C1QTNF7: variants seen among roughly 807,000 people sequenced by gnomAD.
C1QTNF7 encodes complement C1q tumor necrosis factor-related protein 7.
Under a neutral mutation model 19.6 loss-of-function variants are expected in C1QTNF7, and 15 were observed. The observed-to-expected ratio is 0.76, with a 90% CI of 0.51 to 1.18. The LOEUF (loss-of-function observed/expected upper bound fraction) is 1.18, where lower values mean the gene tolerates loss of function less well. Among genes scored for constraint, C1QTNF7 ranks in the 50% most tolerant of loss-of-function variants. The pLI is 0.00. For missense variants in C1QTNF7, 324 were observed against 359.7 expected, an observed-to-expected ratio of 0.90 and a Z score of 0.80; for synonymous variants, 142 against 137.5, an observed-to-expected ratio of 1.03 and a Z score of -0.23.
intron 1 of C1QTNF7, among the ~76,000 whole-genome samples, chr4:15,377,871 A>G (rs139532472): frequency 5.9e-5 from 9 of 152,336 alleles, no homozygotes; most frequent in African/African-American, 2.2e-4. Context: ...AGCATAATAG[A>G]TACCTAAGAA....
At chr4:15,366,718 T>C (rs1256681450) in intron 1 of C1QTNF7, among the ~76,000 whole-genome samples, 1 of 152,178 alleles carries the variant, frequency 6.6e-6, no homozygotes, top group Non-Finnish European at 1.5e-5. Context: ...AGATGTTGTC[T>C]GCAGTCTCCA....
rs117612466 is a variant in C1QTNF7 at position 15,393,522 on chromosome 4, G to A, written c.14-42214G>A. Among the ~76,000 whole-genome samples the A allele has an allele frequency of 2.2e-3, 340 of 152,182 alleles. 9 individuals are homozygous for A. The East Asian group carries it at 0.057, about 26-fold the overall frequency. On this transcript the variant is annotated intron_variant, in intron 1 of 2. Transcript: ENST00000295297. ...GGATCACATTAAAACGCAGACTCTC[G>A]AGCCCAACACCCAAAGATCTTTATT...
In C1QTNF7 at chr4:15,442,290, C is replaced by T; in HGVS notation, c.361C>T (p.Pro121Ser). 2 of 1,614,052 alleles carry T rather than the reference C, an allele frequency of 1.2e-6. No homozygotes were observed. Among genetic ancestry groups the T allele is most frequent in the Non-Finnish European group, 1.7e-6 (2 of 1,180,032 alleles). The change falls in exon 3 of 3, where the codon CCT (proline) becomes TCT (serine). Residue 121 changes from proline (P) to serine (S), a missense_variant. Transcript: ENST00000444304. The stretch of plus-strand genomic sequence containing the variant: ...AGGAGAAGTAGGTCCAATTGGTCCT[C>T]CTGGACCAAAGGGAGACAGAGGAGA... Reference protein sequence around the residue: ...EKGEVGPIGPPGPKGDRGEQG... With the variant: ...EKGEVGPIGPSGPKGDRGEQG...
At chr4:15,363,973 C>A (rs571357646) in intron 1 of C1QTNF7, among the ~76,000 whole-genome samples, 32 of 152,274 alleles carry the variant, frequency 2.1e-4, no homozygotes. Context: ...GTTTTCTTCC[C>A]TTTCTCTCCT....
chr4:15,427,897 G>A (rs1712125014), upstream of C1QTNF7: 8 of 324,936 alleles, frequency 2.5e-5, no homozygotes, highest in Non-Finnish European at 3.5e-5. Context: ...TCCCCGAGTT[G>A]AGCCTCACTC....
At chr4:15,415,781 G>A (rs1345761337) in intron 1 of C1QTNF7, among the ~76,000 whole-genome samples, 5 of 152,052 alleles carry the variant, frequency 3.3e-5, no homozygotes, top group Non-Finnish European at 5.9e-5. Flanking sequence ...TGGAATAAAT[G>A]TTACAAACCA....
chr4:15,414,136 A>G lies in C1QTNF7; in HGVS notation c.14-21600A>G, dbSNP rs188537420. Among the ~76,000 whole-genome samples the G allele has an allele frequency of 3.2e-3, 485 of 152,324 alleles. 1 individual carries two copies. The highest frequency in any genetic ancestry group is 6.5e-3 in the Admixed American group (99 of 15,298). On this transcript the variant is annotated intron_variant, in intron 1 of 2. Transcript: ENST00000295297. ...GTATGCTTCTTCAGGGCAGATAAAT[A>G]GTTTAATCATCCTTGAAGCTCAAAC...
At chr4:15,385,223 A>C (rs1488269192) in intron 1 of C1QTNF7, among the ~76,000 whole-genome samples, 1 of 152,242 alleles carries the variant, frequency 6.6e-6, no homozygotes, top group African/African-American at 2.4e-5. Context: ...TGATCAAAAC[A>C]GACAAAGTCC....
At chr4:15,409,639 G>C (rs1264172024) in intron 1 of C1QTNF7, among the ~76,000 whole-genome samples, 1 of 152,082 alleles carries the variant, frequency 6.6e-6, no homozygotes, top group Non-Finnish European at 1.5e-5. Flanking sequence ...GGAGGGTCTC[G>C]GGCAGTCTAG....
intron 1 of C1QTNF7, among the ~76,000 whole-genome samples, chr4:15,381,166 C>A (rs1325889595): frequency 3.9e-5 from 6 of 152,010 alleles, no homozygotes; most frequent in Non-Finnish European, 8.8e-5. Flanking sequence ...ACCTGTAATG[C>A]CAGCACTTTG....
At chr4:15,387,167 GTTAT>G (rs1718370092) in intron 1 of C1QTNF7, among the ~76,000 whole-genome samples, 14 of 152,328 alleles carry the variant, frequency 9.2e-5, no homozygotes, top group South Asian at 4.1e-4. Context: ...GGGACTCCAA[GTTAT>G]TTGGCCTGAG....
chr4:15,433,300 G>A (rs1220478145), intron 1 of C1QTNF7, among the ~76,000 whole-genome samples: 1 of 151,946 alleles, frequency 6.6e-6, no homozygotes, highest in African/African-American at 2.4e-5. Flanking sequence ...TTACAGACGT[G>A]AGCCACCACA....
At chr4:15,440,574 A>AT (rs1469144691) in intron 2 of C1QTNF7, among the ~76,000 whole-genome samples, 3 of 151,854 alleles carry the variant, frequency 2.0e-5, no homozygotes, top group African/African-American at 7.3e-5. Context: ...CGTCCGGCTA[A>AT]TTTTTGTATT....
intron 1 of C1QTNF7, among the ~76,000 whole-genome samples, chr4:15,393,005 T>C (rs984439637): frequency 6.6e-6 from 1 of 152,138 alleles, no homozygotes; most frequent in African/African-American, 2.4e-5. Context: ...GAATTGTAGC[T>C]CCCAAAATTT....
In C1QTNF7 at chr4:15,372,931, AG is replaced by A. The variant is rs201210565; in HGVS notation, c.13+32729del. Among the ~76,000 whole-genome samples, 265 of 88,534 alleles carry A rather than the reference AG, an allele frequency of 3.0e-3. 1 individual carries two copies. Among genetic ancestry groups the A allele is most frequent in the African/African-American group, 0.015 (206 of 14,126 alleles). 58.1% of individuals were successfully genotyped at this position (88,534 alleles called of 152,430 possible). A position where few individuals can be genotyped will look rare whatever the true frequency, so the allele number is the denominator to read the frequency against. ...GATGAAATACACTCCTAAAAGGAAA[AG>A]GGGGAAAAAAAGTCAAGGCAGAACC... is the stretch of plus-strand genomic sequence containing the variant. On this transcript the variant is annotated intron_variant, in intron 1 of 2. Coordinates refer to the C1QTNF7 transcript ENST00000295297.
chr4:15,420,886 A>G (rs1184118564), intron 1 of C1QTNF7, among the ~76,000 whole-genome samples: 5 of 118,960 alleles, frequency 4.2e-5, no homozygotes, highest in Non-Finnish European at 8.0e-5. Context: ...TTTCCTCCCC[A>G]GCACACTGAG....
chr4:15,385,130 G>T (rs371769504), intron 1 of C1QTNF7, among the ~76,000 whole-genome samples: 1 of 152,128 alleles, frequency 6.6e-6, no homozygotes, highest in Non-Finnish European at 1.5e-5. Flanking sequence ...CTAGTTACCC[G>T]CAAGACCAGC....
At chr4:15,365,104 C>T (rs576605169) in intron 1 of C1QTNF7, among the ~76,000 whole-genome samples, 1 of 152,038 alleles carries the variant, frequency 6.6e-6, no homozygotes, top group Non-Finnish European at 1.5e-5. Flanking sequence ...CATGAAACAT[C>T]CAGTGAAATG....
intron 1 of C1QTNF7, among the ~76,000 whole-genome samples, chr4:15,434,492 GTA>G (rs1359259315): frequency 6.6e-6 from 1 of 152,140 alleles, no homozygotes. Context: ...CTTTGGGAGA[GTA>G]TACACCAGGT....
Sources: gnomAD v4.1 joint callset for allele counts (sites outside exome capture counted in the v4.1 genomes callset) on GRCh38, gnomAD v4.1.1 for gene constraint, MANE v1.5 for transcripts, NCBI Gene and HGNC (gene_info 2026-07-23, HGNC 2026-07-21) for gene names.